DHX15: variants seen among roughly 807,000 people sequenced by gnomAD.
The protein encoded by DHX15 is DEAH-box helicase 15, also known as ATP-dependent RNA helicase DHX15.
In DHX15, 11 loss-of-function variants were observed where a neutral mutation model predicts 94.4. The ratio of observed to expected loss-of-function variants is 0.12; its 90% CI spans 0.07 to 0.19. DHX15 has a LOEUF of 0.19. DHX15 is among the 10% of genes least tolerant of loss of function. DHX15 has a pLI of 1.00. For missense variants in DHX15, 304 were observed against 988.5 expected, an observed-to-expected ratio of 0.31 and a Z score of 9.29; for synonymous variants, 338 against 329.9, an observed-to-expected ratio of 1.02 and a Z score of -0.27.
chr4:24,548,622 C>T (rs886912756), intron 6 of DHX15, among the ~76,000 whole-genome samples: 1 of 152,240 alleles, frequency 6.6e-6, no homozygotes, highest in Non-Finnish European at 1.5e-5. Flanking sequence ...AACATCCTTT[C>T]TTAACCCATC....
At chr4:24,552,960 T>C (rs1416854946) in intron 5 of DHX15, among the ~76,000 whole-genome samples, 3 of 152,254 alleles carry the variant, frequency 2.0e-5, no homozygotes, top group Admixed American at 6.5e-5. Flanking sequence ...GGCCATTTGA[T>C]ATTTCTGATA....
At chr4:24,546,628 T>C (rs1335455143) in intron 6 of DHX15, among the ~76,000 whole-genome samples, 1 of 152,220 alleles carries the variant, frequency 6.6e-6, no homozygotes. Context: ...TCTTGATTGC[T>C]AAAAACTTGA....
At chr4:24,533,941 T>C (rs1353874174) in intron 11 of DHX15, 1 of 152,234 alleles carries the variant, frequency 6.6e-6, no homozygotes, top group African/African-American at 2.4e-5. Context: ...GCATACTCTT[T>C]TCTCTTTGGT....
At chr4:24,540,694 T>C in intron 9 of DHX15, 146 bp downstream of exon 9, 1 of 486,950 alleles carries the variant, frequency 2.1e-6, no homozygotes, top group Non-Finnish European at 3.6e-6. Context: ...TTAGTTTTAA[T>C]GCTATCATGT....
intron 3 of DHX15, among the ~76,000 whole-genome samples, chr4:24,567,896 C>A (rs909584513): frequency 7.2e-5 from 11 of 152,290 alleles, no homozygotes; most frequent in African/African-American, 2.6e-4. Flanking sequence ...TTAGGAGTGG[C>A]AGCTTTGTAA....
intron 6 of DHX15, among the ~76,000 whole-genome samples, chr4:24,547,901 GTGTATATATATATA>G (rs1560765702): frequency 7.0e-5 from 1 of 14,186 alleles, no homozygotes; most frequent in East Asian, 3.1e-3. Flanking sequence ...ATGTATGTAT[GTGTATATATATATA>G]TATATATATA....
rs535377897 is a variant in DHX15 at position 24,537,058 on chromosome 4, A to T, written c.1902T>A (p.Phe634Leu). 1 of 1,613,480 alleles carries T rather than the reference A, an allele frequency of 6.2e-7. No individual in the cohort carries two copies. Among genetic ancestry groups the T allele is most frequent in the East Asian group, 2.2e-5 (1 of 44,858 alleles). ...AATCAAATTTACACTTACTTTGTTT[A>T]AAAGCATGGTAGACGTTCAGCAGTG... ...HLTLLNVYHA[F>L]KQNHESVQWC... Residue 634 changes from phenylalanine to leucine, a missense_variant, in exon 11 of 14, where the codon TTT becomes TTA. By Grantham distance (22) the Phe-to-Leu change is conservative. Coordinates refer to ENST00000336812, the MANE Select transcript of DHX15 (RefSeq NM_001358.3). The surrounding 1 kb of genome is among the most constrained non-coding windows in gnomAD (Gnocchi z 4.7).
At chr4:24,566,520 C>T (rs1440218250) in intron 3 of DHX15, among the ~76,000 whole-genome samples, 1 of 152,154 alleles carries the variant, frequency 6.6e-6, no homozygotes, top group Non-Finnish European at 1.5e-5. Flanking sequence ...TAAATTCAAC[C>T]CTTGACTTAA....
At chr4:24,528,174 T>C in intron 13 of DHX15, 133 bp from the exon 14 acceptor site, 2 of 605,146 alleles carry the variant, frequency 3.3e-6, no homozygotes, top group Non-Finnish European at 5.9e-6. Flanking sequence ...CTCAGAAAAA[T>C]ACAAATAACT....
chr4:24,549,154 G>T, intron 5 of DHX15, 132 bp from the exon 6 acceptor site: 1 of 692,932 alleles, frequency 1.4e-6, no homozygotes, highest in African/African-American at 1.8e-5. Context: ...TTTCAATTTA[G>T]TAACCAAAAC....
Position 24,554,701 on chromosome 4 carries a change from T to C in DHX15, c.1080+24A>G, listed in dbSNP as rs767224557. ...TAGAAACAGTATGTCAAAAGCTAAATAATGAAGAAAATTAAAACAATACCT... is the reference window on the plus strand; with the variant it reads ...TAGAAACAGTATGTCAAAAGCTAAACAATGAAGAAAATTAAAACAATACCT... On this transcript the variant is annotated intron_variant, in intron 5 of 13. Transcript: ENST00000336812. 8.9e-6 allele frequency: 14 copies of C among 1,576,864 alleles called. No individual in the cohort carries two copies. In the South Asian group the frequency reaches 1.3e-4, roughly 15 times the overall value.
At chr4:24,549,067 A>T in intron 5 of DHX15, 45 bp from the exon 6 acceptor site, 1 of 1,522,864 alleles carries the variant, frequency 6.6e-7, no homozygotes, top group Non-Finnish European at 9.0e-7. Context: ...GAAACATTTT[A>T]AAGTATTTAT....
chr4:24,557,723 C>A (rs905417076), intron 3 of DHX15, among the ~76,000 whole-genome samples: 1 of 152,040 alleles, frequency 6.6e-6, no homozygotes, highest in East Asian at 1.9e-4. Context: ...AAAAACACTG[C>A]CAATTAAATT....
chr4:24,548,763 C>T, intron 6 of DHX15, 92 bp downstream of exon 6: 1 of 1,189,884 alleles, frequency 8.4e-7, no homozygotes, highest in South Asian at 1.9e-5. Flanking sequence ...AGATCACAAT[C>T]ACCCATAACT....
intron 12 of DHX15, among the ~76,000 whole-genome samples, chr4:24,532,462 CTGTTA>C (rs1577331435): frequency 6.6e-6 from 1 of 152,278 alleles, no homozygotes; most frequent in African/African-American, 2.4e-5. Flanking sequence ...TTTTAGTACT[CTGTTA>C]TGACAATGTA....
chr4:24,554,649 GTTC>G (rs1259548556), intron 5 of DHX15, 73 bp downstream of exon 5: 3 of 1,085,850 alleles, frequency 2.8e-6, no homozygotes, highest in East Asian at 4.7e-5. Flanking sequence ...TGATTAACAT[GTTC>G]TTATGATTAA....
At chr4:24,540,620 C>T (rs535697641) in intron 9 of DHX15, among the ~76,000 whole-genome samples, 4 of 146,944 alleles carry the variant, frequency 2.7e-5, no homozygotes, top group Non-Finnish European at 4.5e-5. Flanking sequence ...TCAATTTACC[C>T]AAACCCCCCC....
intron 2 of DHX15, among the ~76,000 whole-genome samples, chr4:24,571,915 A>G (rs1045282805): frequency 6.6e-6 from 1 of 152,204 alleles, no homozygotes; most frequent in Admixed American, 6.5e-5. Context: ...AAAAATAACT[A>G]AAGAAGTAGT....
chr4:24,529,011 TA>T (rs540980701), intron 13 of DHX15, among the ~76,000 whole-genome samples: 1 of 133,074 alleles, frequency 7.5e-6, no homozygotes, highest in Non-Finnish European at 1.7e-5. Flanking sequence ...TTAAAAAAAT[TA>T]AAAAAAAACC....
Sources: gnomAD v4.1 joint callset for allele counts (sites outside exome capture counted in the v4.1 genomes callset) on GRCh38, gnomAD v4.1.1 for gene constraint, Gnocchi (gnomAD v3.1) non-coding constraint, MANE v1.5 for transcripts, NCBI Gene and HGNC (gene_info 2026-07-23, HGNC 2026-07-21) for gene names.